The following DCLK2 variants were observed in gnomAD, a reference collection of about 807,000 sequenced individuals.
DCLK2 encodes doublecortin like kinase 2, also known as serine/threonine-protein kinase DCLK2.
A neutral mutation model predicts 78.4 loss-of-function variants in DCLK2; 31 were observed. That is an observed-to-expected ratio of 0.40 (90% confidence interval 0.30 to 0.53). DCLK2 has a LOEUF of 0.53. DCLK2 is among the 20% of genes least tolerant of loss of function. DCLK2 has a pLI of 0.61. For missense variants in DCLK2, 872 were observed against 973.7 expected, an observed-to-expected ratio of 0.90 and a Z score of 1.39; for synonymous variants, 407 against 374.9, an observed-to-expected ratio of 1.09 and a Z score of -0.99.
intron 5 of DCLK2, among the ~76,000 whole-genome samples, chr4:150,214,467 A>G (rs1453121671): frequency 6.6e-6 from 1 of 152,208 alleles, no homozygotes; most frequent in Non-Finnish European, 1.5e-5. Flanking sequence ...TTCCTAAGAA[A>G]GTTCTTGCTC....
At chr4:150,109,767 A>G (rs921434535) in intron 2 of DCLK2, among the ~76,000 whole-genome samples, 1 of 152,336 alleles carries the variant, frequency 6.6e-6, no homozygotes, top group East Asian at 1.9e-4. Context: ...CCAAGAATCA[A>G]CAGACTAAGA....
chr4:150,154,946 CT>C, intron 2 of DCLK2, among the ~76,000 whole-genome samples: 1 of 152,226 alleles, frequency 6.6e-6, no homozygotes, highest in South Asian at 2.1e-4. Flanking sequence ...GTAACAGTAG[CT>C]GGTTGGGTGT....
At chr4:150,139,925 T>C (rs1733996319) in intron 2 of DCLK2, among the ~76,000 whole-genome samples, 1 of 152,242 alleles carries the variant, frequency 6.6e-6, no homozygotes, top group South Asian at 2.1e-4. Context: ...CCAAATGACA[T>C]GGTTGGTTTG....
intron 8 of DCLK2, among the ~76,000 whole-genome samples, chr4:150,226,523 T>TAAA (rs137929782): frequency 7.4e-5 from 11 of 148,278 alleles, no homozygotes; most frequent in African/African-American, 2.7e-4. Flanking sequence ...TTCAAAACAG[T>TAAA]AAAAAAAAAA....
chr4:150,179,382 G>A (rs915592144), intron 2 of DCLK2, among the ~76,000 whole-genome samples: 3 of 152,302 alleles, frequency 2.0e-5, no homozygotes, highest in South Asian at 2.1e-4. Context: ...TAGTCCCACT[G>A]TAGTAGAATG....
intron 15 of DCLK2, among the ~76,000 whole-genome samples, chr4:150,250,849 CCCACAT>C: frequency 6.8e-6 from 1 of 146,812 alleles, no homozygotes; most frequent in Non-Finnish European, 1.5e-5. Context: ...ACACACATAA[CCCACAT>C]CCCCACACCC....
At chr4:150,140,462 ATGGTGACGC>A (rs1560805649) in intron 2 of DCLK2, among the ~76,000 whole-genome samples, 4 of 152,212 alleles carry the variant, frequency 2.6e-5, no homozygotes, top group Non-Finnish European at 4.4e-5. Flanking sequence ...GAGGACCCCA[ATGGTGACGC>A]TGTGTGTGGC....
intron 2 of DCLK2, among the ~76,000 whole-genome samples, chr4:150,171,295 A>G (rs2150259258): frequency 6.6e-6 from 1 of 152,322 alleles, no homozygotes; most frequent in East Asian, 1.9e-4. Context: ...CCTGGCTAAC[A>G]TGGTGAAACC....
At chr4:150,090,371 A>G (rs574931094) in intron 1 of DCLK2, among the ~76,000 whole-genome samples, 1 of 152,204 alleles carries the variant, frequency 6.6e-6, no homozygotes, top group Non-Finnish European at 1.5e-5. Context: ...GCGCCATTAC[A>G]CTCCACTCCA....
At chr4:150,124,112 C>G (rs1023533556) in intron 2 of DCLK2, among the ~76,000 whole-genome samples, 1 of 152,010 alleles carries the variant, frequency 6.6e-6, no homozygotes, top group Admixed American at 6.6e-5. Context: ...AATATTCTCC[C>G]TGTGTATTTT....
chr4:150,197,897 C>T, intron 3 of DCLK2, 105 bp from the exon 4 acceptor site: 1 of 793,530 alleles, frequency 1.3e-6, no homozygotes, highest in East Asian at 2.8e-5. Context: ...AACAGTAATA[C>T]CTAATTATCA....
intron 2 of DCLK2, among the ~76,000 whole-genome samples, chr4:150,184,397 A>C (rs1560844295): frequency 6.6e-6 from 1 of 152,190 alleles, no homozygotes; most frequent in Non-Finnish European, 1.5e-5. Context: ...CAGTCTCCTA[A>C]AATATAAATA....
intron 4 of DCLK2, among the ~76,000 whole-genome samples, chr4:150,202,581 T>C (rs1739535663): frequency 6.6e-6 from 1 of 152,234 alleles, no homozygotes; most frequent in East Asian, 1.9e-4. Context: ...TACTCATTTT[T>C]TTGAGTCCCC....
chr4:150,097,091 A>G (rs1351417520), intron 1 of DCLK2, among the ~76,000 whole-genome samples: 3 of 152,074 alleles, frequency 2.0e-5, no homozygotes, highest in Non-Finnish European at 4.4e-5. Context: ...AAGGAAAAGG[A>G]CGTGCGAAAA....
At chr4:150,221,127 A>G (rs1461237016) in intron 6 of DCLK2, among the ~76,000 whole-genome samples, 2 of 152,206 alleles carry the variant, frequency 1.3e-5, no homozygotes, top group African/African-American at 4.8e-5. Flanking sequence ...ACACTGGGAC[A>G]TGTAGTGAGA....
rs955325235 is a variant in DCLK2, at chr4:150,220,735, T to C, written c.1089T>C (p.Asn363=). Residue 363 remains asparagine, a synonymous_variant, in exon 6 of 16, where the codon AAT becomes AAC. Transcript: ENST00000296550. ...QISAHGRSSS[N]VNGGPELDRC... is the part of the protein sequence containing the mutation. ...CTGCTCATGGCAGATCTTCTTCCAA[T>C]GTAAACGGTGGACCTGAGCTTGACC... The C allele has an allele frequency of 1.2e-6, 2 of 1,613,882 alleles. No individual in the cohort carries two copies. Among genetic ancestry groups the C allele is most frequent in the Non-Finnish European group, 1.7e-6 (2 of 1,179,948 alleles).
intron 15 of DCLK2, among the ~76,000 whole-genome samples, chr4:150,253,014 C>T (rs563011235): frequency 8.1e-4 from 124 of 152,246 alleles, no homozygotes; most frequent in African/African-American, 2.9e-3. Context: ...CCTCCCCTGG[C>T]GCAGGACCTG....
At chr4:150,194,222 G>A (rs1738692988) in intron 3 of DCLK2, among the ~76,000 whole-genome samples, 1 of 152,104 alleles carries the variant, frequency 6.6e-6, no homozygotes, top group Non-Finnish European at 1.5e-5. Context: ...TGTTACGGTT[G>A]CCTACAGTAT....
intron 15 of DCLK2, among the ~76,000 whole-genome samples, chr4:150,250,001 G>C (rs1440014221): frequency 6.6e-6 from 1 of 152,112 alleles, no homozygotes; most frequent in Non-Finnish European, 1.5e-5. Flanking sequence ...AGCCCTGGAG[G>C]GGTGTGTTGT....
Sources: allele counts gnomAD v4.1 joint callset (sites outside exome capture counted in the v4.1 genomes callset), GRCh38; gene constraint gnomAD v4.1.1; transcripts MANE v1.5; gene names NCBI Gene and HGNC (gene_info 2026-07-23, HGNC 2026-07-21).